CHODL: variants seen among roughly 807,000 people sequenced by gnomAD.
The protein encoded by CHODL is transmembrane protein MT75.
CHODL carries 29 observed loss-of-function variants against 34.5 expected under a neutral mutation model. The observed-to-expected ratio is 0.84, with a 90% CI of 0.63 to 1.15. CHODL has a LOEUF of 1.15. CHODL is among the 50% of genes most tolerant of loss of function. The pLI, the probability that CHODL is intolerant of heterozygous loss-of-function variation, is 0.00. For missense variants in CHODL, 332 were observed against 332.5 expected (o/e 1.00, Z 0.01); for synonymous variants, 125 against 116.1 (o/e 1.08, Z -0.49).
intron 2 of CHODL, among the ~76,000 whole-genome samples, chr21:18,213,226 A>G (rs2073791201): frequency 1.3e-5 from 2 of 152,188 alleles, no homozygotes; most frequent in Admixed American, 1.3e-4. Context: ...GACATTTTCA[A>G]CCTTTAATAA....
chr21:18,237,494 G>A (rs1032759737), intron 2 of CHODL, among the ~76,000 whole-genome samples: 1 of 152,104 alleles, frequency 6.6e-6, no homozygotes, highest in African/African-American at 2.4e-5. Context: ...GAGCTTTTCA[G>A]AATTGCCAAA....
intron 2 of CHODL, among the ~76,000 whole-genome samples, chr21:18,081,635 T>C (rs7279561): frequency 0.017 from 2,532 of 151,088 alleles, 43 homozygotes; most frequent in Middle Eastern, 0.041. Context: ...GAGCTGAGAT[T>C]GTACCATTGC....
At chr21:18,243,581 C>G (rs1451834593), upstream of CHODL, among the ~76,000 whole-genome samples, 1 of 149,698 alleles carries the variant, frequency 6.7e-6, no homozygotes, top group Non-Finnish European at 1.5e-5. Context: ...TTTTGCATGT[C>G]CCCAAAACTG....
intron 2 of CHODL, among the ~76,000 whole-genome samples, chr21:18,068,173 G>A (rs1318323358): frequency 6.6e-6 from 1 of 151,592 alleles, no homozygotes; most frequent in Non-Finnish European, 1.5e-5. Context: ...CTATTCAAGA[G>A]CAAACTTCTT....
At chr21:18,247,233 A>T (rs547818191) in intron 1 of CHODL, among the ~76,000 whole-genome samples, 126 of 152,224 alleles carry the variant, frequency 8.3e-4, no homozygotes, top group African/African-American at 3.0e-3. Flanking sequence ...TGGTGCATCA[A>T]TTTTTCGTGC....
At chr21:18,221,648 C>T (rs1010687182) in intron 2 of CHODL, among the ~76,000 whole-genome samples, 2 of 152,154 alleles carry the variant, frequency 1.3e-5, no homozygotes, top group Non-Finnish European at 2.9e-5. Context: ...AAGCAACACA[C>T]GTTATGTCTG....
intron 2 of CHODL, among the ~76,000 whole-genome samples, chr21:18,238,351 A>G (rs767898812): frequency 5.3e-5 from 8 of 152,128 alleles, no homozygotes; most frequent in Non-Finnish European, 8.8e-5. Context: ...GGTGGGAGGC[A>G]AAAGGCACTT....
chr21:18,022,539 T>C (rs1011546204), intron 1 of CHODL: 2 of 152,210 alleles, frequency 1.3e-5, no homozygotes, highest in African/African-American at 4.8e-5. Flanking sequence ...GTCTGCTACA[T>C]TTCCTCTTTG....
In CHODL at chr21:17,928,582, G is replaced by A. The variant is rs75222503; in HGVS notation, c.-145+11182G>A. 9.3e-3 allele frequency among the ~76,000 whole-genome samples: 1,410 copies of A among 152,242 alleles called. 25 individuals are homozygous for A. Among genetic ancestry groups the A allele is most frequent in the Admixed American group, 0.047 (718 of 15,288 alleles). On this transcript the variant is annotated intron_variant, in intron 1 of 6. Coordinates refer to the CHODL transcript ENST00000400127. Reference sequence around the variant, plus strand: ...AAATAACTGCAAATTGGGTAACAGTGGGGGCCAAAGTTGGAAAAGTGATTA... The same window carrying A: ...AAATAACTGCAAATTGGGTAACAGTAGGGGCCAAAGTTGGAAAAGTGATTA...
At chr21:18,023,047 C>T (rs158045) in intron 1 of CHODL, among the ~76,000 whole-genome samples, 2,415 of 152,270 alleles carry the variant, frequency 0.016, 71 homozygotes, top group African/African-American at 0.054. Context: ...GGAATGATCT[C>T]ATAGTTATAT....
At chr21:17,923,768 CAGTTTTATACA>C (rs2063202168) in intron 1 of CHODL, among the ~76,000 whole-genome samples, 1 of 152,094 alleles carries the variant, frequency 6.6e-6, no homozygotes. Flanking sequence ...GCCAGTTCTT[CAGTTTTATACA>C]AGTCCCAAAG....
intron 2 of CHODL, among the ~76,000 whole-genome samples, chr21:18,091,337 C>T (rs1008955921): frequency 6.6e-6 from 1 of 152,160 alleles, no homozygotes; most frequent in African/African-American, 2.4e-5. Flanking sequence ...GGCTTAGAGC[C>T]AGTGAACTAA....
intron 5 of CHODL, among the ~76,000 whole-genome samples, chr21:18,264,414 T>C (rs1325418198): frequency 6.6e-6 from 1 of 151,860 alleles, no homozygotes; most frequent in East Asian, 1.9e-4. Flanking sequence ...CCACCCTGAC[T>C]AACATGGCAA....
intron 2 of CHODL, among the ~76,000 whole-genome samples, chr21:18,209,867 C>A (rs2073754529): frequency 6.6e-6 from 1 of 152,104 alleles, no homozygotes; most frequent in South Asian, 2.1e-4. Context: ...CTGCCTGGTG[C>A]CCTATTCTAC....
chr21:18,066,251 T>C (rs1030595086), intron 2 of CHODL, among the ~76,000 whole-genome samples: 1 of 152,224 alleles, frequency 6.6e-6, no homozygotes, highest in Non-Finnish European at 1.5e-5. Flanking sequence ...AACATTTCTT[T>C]TCCTGTAAAC....
chr21:17,923,116 A>C (rs1343341036), intron 1 of CHODL, among the ~76,000 whole-genome samples: 2 of 152,022 alleles, frequency 1.3e-5, no homozygotes, highest in Non-Finnish European at 2.9e-5. Flanking sequence ...CTCAGTGAGC[A>C]GGGGTGGGGG....
At chr21:18,066,691 C>G (rs968353800) in intron 2 of CHODL, among the ~76,000 whole-genome samples, 1 of 152,088 alleles carries the variant, frequency 6.6e-6, no homozygotes, top group Non-Finnish European at 1.5e-5. Context: ...TATTGGAAAT[C>G]CTAATCCTTA....
intron 2 of CHODL, among the ~76,000 whole-genome samples, chr21:18,032,104 A>C (rs149633833): frequency 2.6e-5 from 4 of 152,082 alleles, no homozygotes; most frequent in East Asian, 3.9e-4. Context: ...AAAGGATAAA[A>C]CATTTAGTTA....
In CHODL at chr21:18,023,117, AG is replaced by A. The variant is rs367907884; in HGVS notation, c.-144-4754del. Among the ~76,000 whole-genome samples, 20 of 152,270 alleles carry A rather than the reference AG, an allele frequency of 1.3e-4. No individual in the cohort carries two copies. In the East Asian group the frequency reaches 3.9e-3, roughly 29 times the overall value. The stretch of plus-strand genomic sequence containing the variant: ...GTCTGTCTAAGAACACTTAAAGGAG[AG>A]ATAACCCACCTACTTCACTAGTGTC... On this transcript the variant is annotated intron_variant, in intron 1 of 6. Transcript: ENST00000400127.
Sources: gnomAD v4.1 joint callset for allele counts (sites outside exome capture counted in the v4.1 genomes callset) on GRCh38, gnomAD v4.1.1 for gene constraint, MANE v1.5 for transcripts, NCBI Gene and HGNC (gene_info 2026-07-23, HGNC 2026-07-21) for gene names.